Variants in PDE8B observed in about 807,000 individuals in gnomAD.
PDE8B encodes phosphodiesterase 8B.
A neutral mutation model predicts 101.3 loss-of-function variants in PDE8B; 26 were observed. The ratio of observed to expected loss-of-function variants is 0.26; its 90% confidence interval spans 0.19 to 0.36. PDE8B has a LOEUF of 0.36. Ranked by LOEUF, PDE8B falls within the 10% of genes least tolerant of loss-of-function variation. The pLI is 1.00. For synonymous variants in PDE8B, 424 were observed against 429.3 expected (o/e 0.99, Z 0.15); for missense variants, 810 against 1,163.1 (o/e 0.70, Z 4.42).
chr5:77,149,175 A>G, the PDE8B span, among the ~76,000 whole-genome samples: 1 of 152,180 alleles, frequency 6.6e-6, no homozygotes, highest in African/African-American at 2.4e-5. Context: ...TCAATTGACC[A>G]TAAATGCAAG....
At chr5:77,270,590 C>T (rs986954017) in intron 1 of PDE8B, among the ~76,000 whole-genome samples, 8 of 152,178 alleles carry the variant, frequency 5.3e-5, no homozygotes, top group Non-Finnish European at 1.0e-4. Context: ...GGCTGAGGGA[C>T]CCTGAAGCTT....
the PDE8B span, among the ~76,000 whole-genome samples, chr5:77,180,200 C>G: frequency 1.3e-5 from 2 of 152,198 alleles, no homozygotes; most frequent in African/African-American, 4.8e-5. Context: ...TCAGCGGGCT[C>G]AAAGTCTTGG....
chr5:77,310,372 G>A (rs959176627), intron 1 of PDE8B, among the ~76,000 whole-genome samples: 1 of 152,248 alleles, frequency 6.6e-6, no homozygotes, highest in African/African-American at 2.4e-5. Context: ...GCCCAGTGAC[G>A]CAGCAGGTTC....
At chr5:77,227,383 G>A (rs1345784516) in intron 1 of PDE8B, among the ~76,000 whole-genome samples, 1 of 152,024 alleles carries the variant, frequency 6.6e-6, no homozygotes, top group Non-Finnish European at 1.5e-5. Context: ...TACATGAATG[G>A]GTGAGATCAT....
intron 7 of PDE8B, among the ~76,000 whole-genome samples, chr5:77,348,248 C>T (rs1329368791): frequency 6.6e-6 from 1 of 152,154 alleles, no homozygotes; most frequent in Non-Finnish European, 1.5e-5. Context: ...GCAATTTAAG[C>T]CCAAAGAAAT....
chr5:77,108,489 C>A, the PDE8B span, among the ~76,000 whole-genome samples: 1 of 152,082 alleles, frequency 6.6e-6, no homozygotes, highest in Non-Finnish European at 1.5e-5. Flanking sequence ...TTGAGACAAG[C>A]CTGGGCAGCA....
intron 1 of PDE8B, among the ~76,000 whole-genome samples, chr5:77,241,440 T>C (rs539067374): frequency 3.9e-5 from 6 of 152,350 alleles, no homozygotes; most frequent in South Asian, 4.1e-4. Flanking sequence ...ATTTTACTTA[T>C]GGCACAAAAA....
chr5:77,344,083 C>A (rs1440161554), intron 6 of PDE8B, among the ~76,000 whole-genome samples: 1 of 152,132 alleles, frequency 6.6e-6, no homozygotes, highest in Non-Finnish European at 1.5e-5. Flanking sequence ...TCCTGAAGGA[C>A]CTGCCTGAGG....
chr5:77,384,832 C>T (rs774411472), intron 10 of PDE8B, among the ~76,000 whole-genome samples: 2 of 152,126 alleles, frequency 1.3e-5, no homozygotes, highest in East Asian at 1.9e-4. Context: ...CCAACCTGAT[C>T]GTGGTGGATA....
intron 10 of PDE8B, among the ~76,000 whole-genome samples, chr5:77,397,630 C>G (rs1457758656): frequency 6.6e-6 from 1 of 152,164 alleles, no homozygotes; most frequent in Non-Finnish European, 1.5e-5. Flanking sequence ...GTCTTCTCTT[C>G]AACTTAGCTT....
At chr5:77,209,693 G>T (rs1019428476), upstream of PDE8B, among the ~76,000 whole-genome samples, 3 of 152,174 alleles carry the variant, frequency 2.0e-5, no homozygotes, top group Non-Finnish European at 4.4e-5. Flanking sequence ...GGAAGGCCTT[G>T]TTGACTGCCC....
chr5:77,312,639 CT>C (rs1168391817), intron 2 of PDE8B, among the ~76,000 whole-genome samples: 6 of 152,316 alleles, frequency 3.9e-5, no homozygotes, highest in Middle Eastern at 3.4e-3. Flanking sequence ...GCTGTGTGAC[CT>C]TGCATATATT....
At chr5:77,330,001 CT>C (rs1215453396) in intron 4 of PDE8B, among the ~76,000 whole-genome samples, 5 of 152,150 alleles carry the variant, frequency 3.3e-5, no homozygotes, top group African/African-American at 1.2e-4. Flanking sequence ...TGTCTTCTCA[CT>C]TTGTTTGATA....
rs957009622 is a variant in PDE8B at position 77,425,297 on chromosome 5, G to A, written c.2419-470G>A. Among the ~76,000 whole-genome samples, 100 of 152,102 alleles carry A rather than the reference G, an allele frequency of 6.6e-4. 4 individuals are homozygous for A. The East Asian group carries it at 0.016, about 25-fold the overall frequency. ...GGCTTGGGGCCAGGCACAGTGGCTC[G>A]TGCCTATAATCCCAGCACTTTGGGA... On this transcript the variant is annotated intron_variant, in intron 20 of 21. Coordinates refer to ENST00000264917, the MANE Select transcript of PDE8B (RefSeq NM_003719.5).
At chr5:77,415,123 T>C (rs947577861) in intron 17 of PDE8B, among the ~76,000 whole-genome samples, 5 of 152,112 alleles carry the variant, frequency 3.3e-5, no homozygotes, top group African/African-American at 1.2e-4. Context: ...CCAGAAAACT[T>C]AGAGCTGCGA....
the PDE8B span, among the ~76,000 whole-genome samples, chr5:77,127,561 CT>C: frequency 6.6e-6 from 1 of 152,126 alleles, no homozygotes; most frequent in African/African-American, 2.4e-5. Flanking sequence ...CCTTCAGTTT[CT>C]TTAGTAAACT....
chr5:77,382,319 C>T (rs186300635), intron 10 of PDE8B, among the ~76,000 whole-genome samples: 2 of 152,268 alleles, frequency 1.3e-5, no homozygotes, highest in East Asian at 3.9e-4. Context: ...CCCCTTGTAA[C>T]TTCAGCATGC....
intron 11 of PDE8B, among the ~76,000 whole-genome samples, chr5:77,402,275 A>T (rs1043138047): frequency 1.3e-5 from 2 of 151,900 alleles, no homozygotes; most frequent in Non-Finnish European, 2.9e-5. Flanking sequence ...ATATATATAG[A>T]AACTTATATG....
At chr5:77,267,940 C>G (rs1433700898) in intron 1 of PDE8B, among the ~76,000 whole-genome samples, 2 of 152,034 alleles carry the variant, frequency 1.3e-5, no homozygotes, top group East Asian at 1.9e-4. Context: ...TTCTGAAGCA[C>G]ATACCAATGA....
Sources: allele counts gnomAD v4.1 joint callset (sites outside exome capture counted in the v4.1 genomes callset), GRCh38; gene constraint gnomAD v4.1.1; transcripts MANE v1.5; gene names NCBI Gene and HGNC (gene_info 2026-07-23, HGNC 2026-07-21).